The following CDH13 variants were observed in gnomAD, a reference collection of about 807,000 sequenced individuals.
The protein encoded by CDH13 is cadherin-13.
A neutral mutation model predicts 63.8 loss-of-function variants in CDH13; 24 were observed. The observed-to-expected ratio is 0.38, with a 90% CI of 0.27 to 0.53. The LOEUF is 0.53. CDH13 is among the 20% of genes least tolerant of loss of function. CDH13 has a pLI of 0.85. For synonymous variants in CDH13, 503 were observed against 355.3 expected (o/e 1.42, Z -4.67); for missense variants, 1,049 against 903.1 (o/e 1.16, Z -2.07).
At chr16:83,161,658 G>T (rs1021543783) in intron 4 of CDH13, among the ~76,000 whole-genome samples, 4 of 151,982 alleles carry the variant, frequency 2.6e-5, no homozygotes, top group Non-Finnish European at 1.5e-5. Flanking sequence ...ACTGTGCATG[G>T]ATTTGCATAT....
intron 8 of CDH13, among the ~76,000 whole-genome samples, chr16:83,614,748 G>A (rs1347821182): frequency 1.3e-5 from 2 of 152,118 alleles, no homozygotes; most frequent in Non-Finnish European, 2.9e-5. Flanking sequence ...TGGAGTATCA[G>A]GAAAATATCA....
At chr16:83,266,302 T>C (rs1472953056) in intron 5 of CDH13, among the ~76,000 whole-genome samples, 1 of 152,204 alleles carries the variant, frequency 6.6e-6, no homozygotes, top group Non-Finnish European at 1.5e-5. Flanking sequence ...ACCAAAGGTT[T>C]CACTGGATTT....
chr16:83,242,200 T>C (rs149300060), intron 5 of CDH13, among the ~76,000 whole-genome samples: 3 of 152,324 alleles, frequency 2.0e-5, no homozygotes, highest in Non-Finnish European at 4.4e-5. Flanking sequence ...TTTGTCTTCA[T>C]GTCAATACAT....
intron 10 of CDH13, among the ~76,000 whole-genome samples, chr16:83,697,439 A>G (rs1001923497): frequency 6.6e-6 from 1 of 152,270 alleles, no homozygotes; most frequent in African/African-American, 2.4e-5. Flanking sequence ...AGGCTGCGCC[A>G]TGCCTTACAG....
chr16:82,887,065 G>A (rs747164477), intron 2 of CDH13, among the ~76,000 whole-genome samples: 11 of 152,130 alleles, frequency 7.2e-5, no homozygotes, highest in African/African-American at 2.7e-4. Context: ...CACCCTAGAA[G>A]CCTCCTTTTA....
chr16:83,112,636 G>T (rs1054940556), intron 3 of CDH13, among the ~76,000 whole-genome samples: 1 of 152,082 alleles, frequency 6.6e-6, no homozygotes, highest in Non-Finnish European at 1.5e-5. Context: ...ATACCTGAGT[G>T]TATTATGTGT....
intron 6 of CDH13, among the ~76,000 whole-genome samples, chr16:83,431,666 G>A (rs564578251): frequency 3.9e-5 from 6 of 152,238 alleles, no homozygotes; most frequent in Non-Finnish European, 8.8e-5. Flanking sequence ...ATCTCACATG[G>A]TGAGAGCAGG....
rs564590848 is a variant in CDH13 at position 83,270,005 on chromosome 16, G to C, written c.636+52508G>C. Among the ~76,000 whole-genome samples the C allele has an allele frequency of 2.0e-5, 3 of 152,276 alleles. No individual in the cohort carries two copies. The East Asian group carries it at 5.8e-4, about 29-fold the overall frequency. On this transcript the variant is annotated intron_variant, in intron 5 of 13. Transcript: ENST00000567109. ...AAGAAAATAATGTACTACACCTCCTGAGAAATAGATCTTCTGCAACATTTT... is the reference window on the plus strand; with the variant it reads ...AAGAAAATAATGTACTACACCTCCTCAGAAATAGATCTTCTGCAACATTTT...
chr16:83,380,278 G>T (rs2091538931), intron 6 of CDH13, among the ~76,000 whole-genome samples: 1 of 152,046 alleles, frequency 6.6e-6, no homozygotes, highest in African/African-American at 2.4e-5. Flanking sequence ...AATTCCAGAT[G>T]GTGGGTGTGC....
chr16:83,540,539 C>A (rs2075279534), intron 7 of CDH13, among the ~76,000 whole-genome samples: 1 of 152,212 alleles, frequency 6.6e-6, no homozygotes, highest in Admixed American at 6.5e-5. Flanking sequence ...CTCTCTTCTT[C>A]TTCCCCAGAC....
At chr16:83,772,004 C>A (rs1317925010) in intron 11 of CDH13, among the ~76,000 whole-genome samples, 1 of 152,164 alleles carries the variant, frequency 6.6e-6, no homozygotes. Flanking sequence ...AAGGTTTGCT[C>A]CTGGTATTTT....
intron 3 of CDH13, among the ~76,000 whole-genome samples, chr16:83,057,047 A>T (rs2151515092): frequency 6.6e-6 from 1 of 152,134 alleles, no homozygotes; most frequent in African/African-American, 2.4e-5. Context: ...GCTCACTGCA[A>T]CCTCTGACTC....
At chr16:83,498,573 G>C (rs948975085) in intron 7 of CDH13, among the ~76,000 whole-genome samples, 1 of 152,130 alleles carries the variant, frequency 6.6e-6, no homozygotes, top group African/African-American at 2.4e-5. Flanking sequence ...TATGGCATTT[G>C]ACTTTGATAG....
intron 4 of CDH13, among the ~76,000 whole-genome samples, chr16:83,133,298 A>T (rs940178279): frequency 1.7e-4 from 26 of 152,370 alleles, no homozygotes; most frequent in African/African-American, 5.8e-4. Context: ...TCAAAAGCTT[A>T]TCACACGAAC....
chr16:83,368,599 G>A (rs2091298367), intron 6 of CDH13, among the ~76,000 whole-genome samples: 1 of 151,698 alleles, frequency 6.6e-6, no homozygotes, highest in South Asian at 2.1e-4. Flanking sequence ...CGTGATTTCT[G>A]AGATTTTGGT....
intron 6 of CDH13, among the ~76,000 whole-genome samples, chr16:83,413,432 C>G (rs1486266044): frequency 6.6e-6 from 1 of 152,208 alleles, no homozygotes; most frequent in Non-Finnish European, 1.5e-5. Flanking sequence ...AACCGAGCGA[C>G]TTTCATTCCT....
rs370541423 is a variant in CDH13, at chr16:82,856,538, C to G, written c.46-1824C>G. Among the ~76,000 whole-genome samples the G allele has an allele frequency of 4.0e-4, 60 of 150,424 alleles. 1 individual carries two copies. The highest frequency in any genetic ancestry group is 1.3e-3 in the African/African-American group (54 of 41,092). ...GCAACATAGTGAAACCTCCTCAGTACAAAAAATAGAAAAATTAGCTGGGCT... is the reference window on the plus strand; with the variant it reads ...GCAACATAGTGAAACCTCCTCAGTAGAAAAAATAGAAAAATTAGCTGGGCT... On this transcript the variant is annotated intron_variant, in intron 1 of 13. Coordinates refer to ENST00000567109, the MANE Select transcript of CDH13 (RefSeq NM_001257.5).
At chr16:83,613,806 C>G (rs1417120063) in intron 8 of CDH13, among the ~76,000 whole-genome samples, 2 of 152,072 alleles carry the variant, frequency 1.3e-5, no homozygotes, top group African/African-American at 2.4e-5. Flanking sequence ...GCACTCCAGC[C>G]TCCATGACAG....
intron 2 of CDH13, among the ~76,000 whole-genome samples, chr16:83,028,218 G>T (rs1199664877): frequency 6.6e-6 from 1 of 152,172 alleles, no homozygotes; most frequent in Admixed American, 6.5e-5. Context: ...AATACTAATT[G>T]ATGATAACAG....
Sources: gnomAD v4.1 joint callset for allele counts (sites outside exome capture counted in the v4.1 genomes callset) on GRCh38, gnomAD v4.1.1 for gene constraint, MANE v1.5 for transcripts, NCBI Gene and HGNC (gene_info 2026-07-23, HGNC 2026-07-21) for gene names.